Variants in DRAM1 observed in about 807,000 individuals in gnomAD.
DRAM1 encodes the protein DNA damage-regulated autophagy modulator protein 1.
Under a neutral mutation model 28.5 loss-of-function variants are expected in DRAM1, and 25 were observed. The ratio of observed to expected loss-of-function variants is 0.88; its 90% CI spans 0.64 to 1.23. The LOEUF is 1.23. Among genes scored for constraint, DRAM1 ranks in the 50% most tolerant of loss-of-function variants. DRAM1 has a pLI of 0.00. For synonymous variants in DRAM1, 113 were observed against 114.2 expected, an observed-to-expected ratio of 0.99 and a Z score of 0.07; for missense variants, 249 against 299.2, an observed-to-expected ratio of 0.83 and a Z score of 1.24.
intron 5 of DRAM1, among the ~76,000 whole-genome samples, chr12:101,919,778 A>G (rs1378469873): frequency 6.6e-6 from 1 of 152,210 alleles, no homozygotes; most frequent in Non-Finnish European, 1.5e-5. Flanking sequence ...CATGCCTTGT[A>G]TGGAAATTTC....
rs1200384236 is a variant in DRAM1 at position 101,877,973 on chromosome 12, G to C, written c.131+53G>C. ...CCAGGAGCAGGCACAGGGACCACAG[G>C]GAGCGCTGCCGACGGGGAGGGAAGG... is the stretch of plus-strand genomic sequence containing the variant. On this transcript the variant is annotated intron_variant, in intron 1 of 6. Coordinates refer to ENST00000258534, the MANE Select transcript of DRAM1 (RefSeq NM_018370.3). The surrounding 1 kb of genome is among the most constrained non-coding windows in gnomAD (Gnocchi z 4.1). The C allele has an allele frequency of 7.2e-7, 1 of 1,394,698 alleles. No individual in the cohort carries two copies. Among genetic ancestry groups the C allele is most frequent in the Non-Finnish European group, 9.4e-7 (1 of 1,058,498 alleles). The allele number at this position is 1,394,698 out of a possible 1,614,324, so 86.4% of individuals were successfully genotyped here.
Position 101,889,490 on chromosome 12 carries a change from G to C in DRAM1, c.132-8373G>C, listed in dbSNP as rs189006388. Among the ~76,000 whole-genome samples, 470 of 151,442 alleles carry C rather than the reference G, an allele frequency of 3.1e-3. 4 individuals carry two copies. The highest frequency in any genetic ancestry group is 0.011 in the African/African-American group (460 of 41,292). ...ACGAGATGAGAAGAGAAGAAGGAAG[G>C]AAGTAAGGAAGGAAAGGAAGGAAGG... On this transcript the variant is annotated intron_variant, in intron 1 of 6. Coordinates refer to ENST00000258534, the MANE Select transcript of DRAM1 (RefSeq NM_018370.3).
At position 101,920,099 on chromosome 12, in the gene DRAM1, A is replaced by G. The variant is rs374287395; in HGVS notation, c.580-10A>G. The stretch of plus-strand genomic sequence containing the variant: ...TTCGGCTAAATTCTGTTTCTTTATT[A>G]TTGCATTAGGATTATGTATATCACG... On this transcript the variant is annotated splice_polypyrimidine_tract_variant and intron_variant, in intron 5 of 6. Transcript: ENST00000258534. 3.9e-5 allele frequency: 61 copies of G among 1,567,288 alleles called. No homozygotes were observed. Among genetic ancestry groups the G allele is most frequent in the Non-Finnish European group, 5.1e-5 (59 of 1,155,112 alleles).
chr12:101,900,449 A>C (rs981896183), intron 2 of DRAM1, among the ~76,000 whole-genome samples: 1 of 152,250 alleles, frequency 6.6e-6, no homozygotes, highest in African/African-American at 2.4e-5. Flanking sequence ...AGCAGATAAT[A>C]GACTAATGGA....
intron 1 of DRAM1, among the ~76,000 whole-genome samples, chr12:101,887,961 A>G (rs1349795921): frequency 6.6e-6 from 1 of 152,138 alleles, no homozygotes; most frequent in African/African-American, 2.4e-5. Flanking sequence ...GATAAAAAAT[A>G]CTCAGTTAAT....
chr12:101,914,156 A>G lies in DRAM1; in HGVS notation c.521-18A>G. ...ACTGTTGTGTGCTGTAGTTTCCTTA[A>G]CTGTTTACTTCTTTCAGTGATTGTC... On this transcript the variant is annotated intron_variant, in intron 4 of 6. Coordinates refer to ENST00000258534, the MANE Select transcript of DRAM1 (RefSeq NM_018370.3). 3 of 1,588,132 alleles carry G rather than the reference A, an allele frequency of 1.9e-6. No individual in the cohort carries two copies. The highest frequency in any genetic ancestry group is 2.6e-6 in the Non-Finnish European group (3 of 1,164,960).
chr12:101,905,395 C>T (rs946815222), intron 3 of DRAM1, among the ~76,000 whole-genome samples: 2 of 152,122 alleles, frequency 1.3e-5, no homozygotes, highest in African/African-American at 2.4e-5. Context: ...AGTCCTCCCA[C>T]CTCAGCCTCC....
chr12:101,921,203 T>C lies in DRAM1; in HGVS notation c.673-13T>C. Reference sequence around the variant, plus strand: ...ACTTCTTTTAAACCTTTCTCTTTCATTTTTAAAAATAGAGTGTCACCCTAA... The same window carrying C: ...ACTTCTTTTAAACCTTTCTCTTTCACTTTTAAAAATAGAGTGTCACCCTAA... On this transcript the variant is annotated splice_polypyrimidine_tract_variant and intron_variant, in intron 6 of 6. Coordinates refer to ENST00000258534, the MANE Select transcript of DRAM1 (RefSeq NM_018370.3). 1 of 1,583,336 alleles carries C rather than the reference T, an allele frequency of 6.3e-7. No individual in the cohort carries two copies. The highest frequency in any genetic ancestry group is 8.7e-7 in the Non-Finnish European group (1 of 1,152,162).
chr12:101,890,969 T>A (rs568430276), intron 1 of DRAM1, among the ~76,000 whole-genome samples: 190 of 152,004 alleles, frequency 1.2e-3, no homozygotes, highest in Middle Eastern at 3.4e-3. Context: ...CAGGATGGTC[T>A]CGATCTCTTG....
chr12:101,908,069 C>G, intron 3 of DRAM1, 117 bp from the exon 4 acceptor site: 1 of 834,206 alleles, frequency 1.2e-6, no homozygotes, highest in South Asian at 2.2e-5. Flanking sequence ...CCACATTTTC[C>G]AAGAAGTGGT....
At chr12:101,884,411 C>T (rs1326183955) in intron 1 of DRAM1, among the ~76,000 whole-genome samples, 2 of 151,144 alleles carry the variant, frequency 1.3e-5, no homozygotes, top group Admixed American at 6.6e-5. Flanking sequence ...ACGGCCACAC[C>T]CACATTCTCA....
intron 2 of DRAM1, among the ~76,000 whole-genome samples, chr12:101,900,202 A>G (rs1873545467): frequency 6.6e-6 from 1 of 152,222 alleles, no homozygotes; most frequent in Non-Finnish European, 1.5e-5. Flanking sequence ...ACATACCTTT[A>G]CTATCCTCCT....
Position 101,921,412 on chromosome 12 carries a change from G to A in DRAM1, c.*152G>A, listed in dbSNP as rs1874478376. The A allele has an allele frequency of 3.1e-6, 2 of 647,808 alleles. No individual in the cohort carries two copies. Among genetic ancestry groups the A allele is most frequent in the Non-Finnish European group, 2.8e-6 (1 of 357,336 alleles). The allele number at this position is 647,808 out of a possible 1,614,324, so 40.1% of individuals were successfully genotyped here. On this transcript the variant is annotated 3_prime_UTR_variant, in exon 7 of 7. Transcript: ENST00000258534. ...ATTTCATTACGAGTTCCTAATAGTTGTATTTCTAAAGATGTGTTTCCTAGA... is the reference window on the plus strand; with the variant it reads ...ATTTCATTACGAGTTCCTAATAGTTATATTTCTAAAGATGTGTTTCCTAGA...
chr12:101,915,572 C>T (rs1374784503), intron 5 of DRAM1, among the ~76,000 whole-genome samples: 1 of 146,992 alleles, frequency 6.8e-6, no homozygotes, highest in Non-Finnish European at 1.5e-5. Flanking sequence ...GACGGAGTTT[C>T]GCCCTTGTTG....
intron 4 of DRAM1, among the ~76,000 whole-genome samples, chr12:101,912,476 A>G (rs1874075614): frequency 6.6e-6 from 1 of 152,026 alleles, no homozygotes; most frequent in Admixed American, 6.6e-5. Context: ...CCCTTCTCCC[A>G]CCCCCAGACC....
Position 101,904,426 on chromosome 12 carries a change from G to GTTTTTTTTTTTTTTTTTTTTTTTT in DRAM1, c.342+2993_342+2994insTTTTTTTTTTTTTTTTTTTTTTTT, listed in dbSNP as rs1566127452. 7.7e-5 allele frequency among the ~76,000 whole-genome samples: 3 copies of GTTTTTTTTTTTTTTTTTTTTTTTT among 39,148 alleles called. 1 individual carries two copies. Among genetic ancestry groups the GTTTTTTTTTTTTTTTTTTTTTTTT allele is most frequent in the African/African-American group, 2.0e-4 (2 of 9,904 alleles). 25.7% of individuals were successfully genotyped at this position (39,148 alleles called of 152,430 possible). A position where few individuals can be genotyped will look rare whatever the true frequency, so the allele number is the denominator to read the frequency against. On this transcript the variant is annotated intron_variant, in intron 3 of 6. Coordinates refer to ENST00000258534, the MANE Select transcript of DRAM1 (RefSeq NM_018370.3). ...TGAAGCTGAGTGATAGAGCTTTAGG[G>GTTTTTTTTTTTTTTTTTTTTTTTT]GTTTTTTTTTTTTTTTTTTTTTTTT...
rs1040861093 is a variant in DRAM1, at chr12:101,905,940, C to G, written c.343-2246C>G. Among the ~76,000 whole-genome samples, 3 of 152,138 alleles carry G rather than the reference C, an allele frequency of 2.0e-5. No homozygotes were observed. The South Asian group carries it at 6.2e-4, about 32-fold the overall frequency. ...TGGTAGCTGGGATTACAGGCACGCGCCACCACGCCTGGCTAGTTTTTGTAT... is the reference window on the plus strand; with the variant it reads ...TGGTAGCTGGGATTACAGGCACGCGGCACCACGCCTGGCTAGTTTTTGTAT... On this transcript the variant is annotated intron_variant, in intron 3 of 6. Transcript: ENST00000258534.
rs1594286216 is a variant in DRAM1 at position 101,877,897 on chromosome 12, CAA to C, written c.109_110del (p.Asn37ProfsTer8). On this transcript the variant is annotated frameshift_variant, in exon 1 of 7. Coordinates refer to ENST00000258534, the MANE Select transcript of DRAM1 (RefSeq NM_018370.3). LOFTEE classifies it high-confidence loss of function. This position sits in a 1 kb window ranked among gnomAD's most constrained non-coding sequence, Gnocchi z 4.1. ...YVVAVLSGHV[N>X]PFLPYISDTG... ...TGGTCGCCGTGCTCTCCGGGCACGT[CAA>C]CCCCTTCCTCCCGTATATCAGGTGA... The C allele has an allele frequency of 6.5e-7, 1 of 1,540,094 alleles. No individual in the cohort carries two copies. The highest frequency in any genetic ancestry group is 1.7e-4 in the Middle Eastern group (1 of 5,944).
rs376066986 is a variant in DRAM1, at chr12:101,915,670, ATAGCTGGGATTACAGGCAC to A, written c.579+1456_579+1474del. ...CAGTTCTCCTGTCTCAGCCTCCCAAATAGCTGGGATTACAGGCACTAGCTGGGATTACAGGCGTGCACCA... is the reference window on the plus strand; with the variant it reads ...CAGTTCTCCTGTCTCAGCCTCCCAAATAGCTGGGATTACAGGCGTGCACCA... On this transcript the variant is annotated intron_variant, in intron 5 of 6. Transcript: ENST00000258534. 6.2e-3 allele frequency among the ~76,000 whole-genome samples: 941 copies of A among 151,938 alleles called. 8 individuals are homozygous for A. The highest frequency in any genetic ancestry group is 0.021 in the African/African-American group (867 of 41,432).
Sources: allele counts gnomAD v4.1 joint callset (sites outside exome capture counted in the v4.1 genomes callset), GRCh38; gene constraint gnomAD v4.1.1; non-coding constraint Gnocchi (gnomAD v3.1); transcripts MANE v1.5; gene names NCBI Gene and HGNC (gene_info 2026-07-23, HGNC 2026-07-21).